The following VEPH1 variants were observed in gnomAD, a reference collection of about 807,000 sequenced individuals.
The protein encoded by VEPH1 is ventricular zone expressed PH domain containing 1.
In VEPH1, 80 loss-of-function variants were observed where a neutral mutation model predicts 85.2. The ratio of observed to expected loss-of-function variants is 0.94; its 90% CI spans 0.78 to 1.13. VEPH1 has a LOEUF of 1.13. VEPH1 is among the 50% of genes most tolerant of loss of function. VEPH1 has a pLI of 0.00. For missense variants in VEPH1, 955 were observed against 980.5 expected (o/e 0.97, Z 0.35); for synonymous variants, 297 against 348.0 (o/e 0.85, Z 1.63).
At chr3:157,270,598 A>G (rs1388613184) in intron 12 of VEPH1, among the ~76,000 whole-genome samples, 2 of 152,222 alleles carry the variant, frequency 1.3e-5, no homozygotes, top group Non-Finnish European at 2.9e-5. Flanking sequence ...TTGATGAGTA[A>G]GTATAATAAT....
At chr3:157,459,997 A>G in intron 4 of VEPH1, 184 bp downstream of exon 4, 3 of 1,542,302 alleles carry the variant, frequency 1.9e-6, no homozygotes, top group Non-Finnish European at 2.6e-6. Context: ...CTGCCTTGGG[A>G]AGGGACACAG....
chr3:157,438,069 A>ACACACACACACACC (rs1237245016), intron 4 of VEPH1, among the ~76,000 whole-genome samples: 11 of 149,674 alleles, frequency 7.3e-5, no homozygotes, highest in South Asian at 2.2e-4. Context: ...ACACACACAC[A>ACACACACACACACC]CACCCCTATT....
At chr3:157,364,583 T>A in intron 7 of VEPH1, 71 bp from the exon 8 acceptor site, 1 of 1,413,418 alleles carries the variant, frequency 7.1e-7, no homozygotes, top group Non-Finnish European at 9.7e-7. Flanking sequence ...ATTCTCTATT[T>A]AACTGCCTCT....
At chr3:157,453,383 A>T (rs1735124480) in intron 4 of VEPH1, among the ~76,000 whole-genome samples, 2 of 152,194 alleles carry the variant, frequency 1.3e-5, no homozygotes, top group Non-Finnish European at 2.9e-5. Flanking sequence ...CTAACTGGTA[A>T]AATGGGATAA....
intron 6 of VEPH1, 90 bp downstream of exon 6, chr3:157,413,791 T>C (rs1341447905): frequency 1.4e-6 from 2 of 1,444,300 alleles, no homozygotes; most frequent in Non-Finnish European, 1.9e-6. Flanking sequence ...CCAGGACAAA[T>C]TTGCACGTCA....
intron 12 of VEPH1, among the ~76,000 whole-genome samples, chr3:157,272,428 T>TTTCTTTCTTTCC (rs1577204636): frequency 6.8e-6 from 1 of 146,168 alleles, no homozygotes; most frequent in East Asian, 2.0e-4. Flanking sequence ...TCTTTCTTTC[T>TTTCTTTCTTTCC]TTCTTTCTTT....
chr3:157,306,230 TA>T (rs1421429528), intron 11 of VEPH1, among the ~76,000 whole-genome samples: 1 of 152,154 alleles, frequency 6.6e-6, no homozygotes, highest in African/African-American at 2.4e-5. Context: ...CCTTCCCCGG[TA>T]ACATTTTCCT....
intron 9 of VEPH1, among the ~76,000 whole-genome samples, chr3:157,362,995 A>T (rs189066334): frequency 6.6e-6 from 1 of 152,258 alleles, no homozygotes; most frequent in East Asian, 1.9e-4. Flanking sequence ...TTCTTGCATG[A>T]TTATGTGGTT....
At chr3:157,424,314 C>CT (rs1159890168) in intron 5 of VEPH1, among the ~76,000 whole-genome samples, 6 of 152,198 alleles carry the variant, frequency 3.9e-5, no homozygotes, top group African/African-American at 1.4e-4. Context: ...AATTAAACCT[C>CT]TTTTTCTTCC....
At position 157,291,788 on chromosome 3, in the gene VEPH1, A is replaced by C. The variant is rs138321133; in HGVS notation, c.2011-5114T>G. ...GGCACTTTGCCCATAGTAAATGTTC[A>C]ATGAATTATTATGCATTTTTACTAA... On this transcript the variant is annotated intron_variant, in intron 11 of 13. Transcript: ENST00000362010. 3.2e-3 allele frequency among the ~76,000 whole-genome samples: 492 copies of C among 152,302 alleles called. 3 individuals are homozygous for C. The highest frequency in any genetic ancestry group is 0.011 in the African/African-American group (472 of 41,560).
chr3:157,363,335 C>A, intron 9 of VEPH1, 29 bp downstream of exon 9: 2 of 1,522,668 alleles, frequency 1.3e-6, no homozygotes, highest in South Asian at 1.4e-5. Context: ...CCTGAAGTTT[C>A]TCAGGTTTGG....
intron 9 of VEPH1, among the ~76,000 whole-genome samples, chr3:157,361,933 T>C (rs576309731): frequency 7.1e-4 from 108 of 152,362 alleles, no homozygotes; most frequent in African/African-American, 2.5e-3. Context: ...TTGATATTAC[T>C]AATTATTCCT....
intron 11 of VEPH1, among the ~76,000 whole-genome samples, chr3:157,296,383 C>T (rs1718143442): frequency 6.6e-6 from 1 of 152,126 alleles, no homozygotes; most frequent in Non-Finnish European, 1.5e-5. Context: ...TAGCAAGGGT[C>T]AGACTCTGTG....
chr3:157,378,336 A>AGTAG (rs1728380092), intron 7 of VEPH1, among the ~76,000 whole-genome samples: 1 of 70,922 alleles, frequency 1.4e-5, no homozygotes, highest in African/African-American at 3.9e-5. Flanking sequence ...ATATATATAT[A>AGTAG]TATATATATA....
intron 4 of VEPH1, chr3:157,459,876 C>T: frequency 2.6e-6 from 4 of 1,537,160 alleles, no homozygotes; most frequent in Non-Finnish European, 3.5e-6. Flanking sequence ...AAGATCTCCA[C>T]AGTTGGTAGT....
intron 4 of VEPH1, chr3:157,437,483 C>T (rs1733697824): frequency 6.3e-7 from 1 of 1,586,250 alleles, no homozygotes; most frequent in Non-Finnish European, 8.6e-7. Flanking sequence ...CCTGGGCGGG[C>T]TGCTAACGTG....
chr3:157,437,209 T>C (rs1274027307), intron 4 of VEPH1: 1 of 1,165,348 alleles, frequency 8.6e-7, no homozygotes, highest in Admixed American at 2.2e-5. Context: ...TGAAGAAAGA[T>C]GGAGGTTTCA....
intron 7 of VEPH1, among the ~76,000 whole-genome samples, chr3:157,369,198 A>AAAAAAC (rs1560001385): frequency 2.0e-5 from 3 of 148,168 alleles, no homozygotes; most frequent in African/African-American, 7.4e-5. Flanking sequence ...AAAAAAAAAA[A>AAAAAAC]AAAAAACCTC....
At chr3:157,452,198 C>A in intron 4 of VEPH1, among the ~76,000 whole-genome samples, 1 of 152,014 alleles carries the variant, frequency 6.6e-6, no homozygotes, top group East Asian at 1.9e-4. Flanking sequence ...GGGAGGGCAG[C>A]CAAGCAGAGC....
Sources: gnomAD v4.1 joint callset for allele counts (sites outside exome capture counted in the v4.1 genomes callset) on GRCh38, gnomAD v4.1.1 for gene constraint, MANE v1.5 for transcripts, NCBI Gene and HGNC (gene_info 2026-07-23, HGNC 2026-07-21) for gene names.